The following CEACAM21 variants were observed in gnomAD, a reference collection of about 807,000 sequenced individuals.
CEACAM21 encodes the protein cell adhesion molecule CEACAM21.
Under a neutral mutation model 33.2 loss-of-function variants are expected in CEACAM21, and 38 were observed. The observed-to-expected ratio is 1.14, with a 90% confidence interval of 0.88 to 1.50. The LOEUF (loss-of-function observed/expected upper bound fraction) is 1.50. Among genes scored for constraint, CEACAM21 ranks in the 40% most tolerant of loss-of-function variants. The pLI is 0.00. For synonymous variants in CEACAM21, 156 were observed against 143.0 expected, an observed-to-expected ratio of 1.09 and a Z score of -0.65; for missense variants, 385 against 364.6, an observed-to-expected ratio of 1.06 and a Z score of -0.46.
intron 1 of CEACAM21, among the ~76,000 whole-genome samples, chr19:41,556,486 G>A (rs552093476): frequency 2.0e-5 from 3 of 152,182 alleles, no homozygotes; most frequent in Non-Finnish European, 4.4e-5. Flanking sequence ...TCATGAAGCC[G>A]ACTTCTGACC....
At chr19:41,574,751 A>G (rs555722645), upstream of CEACAM21, among the ~76,000 whole-genome samples, 1 of 152,342 alleles carries the variant, frequency 6.6e-6, no homozygotes, top group African/African-American at 2.4e-5. Context: ...GGAATATAAA[A>G]TAGCACAGCA....
chr19:41,579,021 G>T (rs1555792289), intron 2 of CEACAM21, among the ~76,000 whole-genome samples: 1 of 152,154 alleles, frequency 6.6e-6, no homozygotes, highest in Non-Finnish European at 1.5e-5. Flanking sequence ...TCCCTTAGGG[G>T]CTGAGACCCA....
chr19:41,568,065 CT>C (rs1456080962), intron 2 of CEACAM21, among the ~76,000 whole-genome samples: 1 of 151,916 alleles, frequency 6.6e-6, no homozygotes, highest in Non-Finnish European at 1.5e-5. Flanking sequence ...AACAAGTGGC[CT>C]TTGAGGATGG....
chr19:41,584,333 CCTT>C lies in CEACAM21; in HGVS notation c.701-7_701-5del, dbSNP rs1555794357. 2.5e-6 allele frequency: 4 copies of C among 1,604,928 alleles called. No individual in the cohort carries two copies. Among genetic ancestry groups the C allele is most frequent in the Middle Eastern group, 1.7e-4 (1 of 6,044 alleles). The stretch of plus-strand genomic sequence containing the variant: ...ACAGATTTGGACCTCATCCCCTTTG[CCTT>C]CTTCTTTCAGCAGATGACAACACTC... On this transcript the variant is annotated splice_polypyrimidine_tract_variant and intron_variant, in intron 3 of 6. Coordinates refer to ENST00000401445, the MANE Select transcript of CEACAM21 (RefSeq NM_001098506.4).
intron 2 of CEACAM21, among the ~76,000 whole-genome samples, chr19:41,567,474 G>A (rs924806922): frequency 6.6e-6 from 1 of 152,224 alleles, no homozygotes; most frequent in South Asian, 2.1e-4. Context: ...TAGAAAATCC[G>A]GGATGAGAGT....
chr19:41,558,252 T>C (rs1201688567), intron 1 of CEACAM21, among the ~76,000 whole-genome samples: 1 of 152,180 alleles, frequency 6.6e-6, no homozygotes, highest in Non-Finnish European at 1.5e-5. Flanking sequence ...AACACATAGA[T>C]GAAATTAAAT....
chr19:41,553,445 A>G (rs2041346908), intron 1 of CEACAM21, among the ~76,000 whole-genome samples: 1 of 152,016 alleles, frequency 6.6e-6, no homozygotes, highest in Admixed American at 6.6e-5. Context: ...CGACAGGACC[A>G]ATTTGCTTTA....
In CEACAM21 at chr19:41,579,477, T is replaced by G; in HGVS notation, c.549T>G (p.Arg183=). The change falls in exon 3 of 7, where the codon CGT becomes CGG. Residue 183 remains arginine, a synonymous_variant. Transcript: ENST00000401445. ...TCCAGTGGATTTTCAACAACCAGCG[T>G]CTGCAGGTCACGAAGAGGATGAAGC... The part of the protein sequence containing the change: ...TSFQWIFNNQ[R]LQVTKRMKLS... 6.2e-7 allele frequency: 1 copy of G among 1,613,850 alleles called. No individual in the cohort carries two copies. Among genetic ancestry groups the G allele is most frequent in the Non-Finnish European group, 8.5e-7 (1 of 1,179,832 alleles).
intron 6 of CEACAM21, chr19:41,586,107 G>T (rs1480822237): frequency 1.6e-6 from 1 of 608,426 alleles, no homozygotes; most frequent in Non-Finnish European, 2.9e-6. Flanking sequence ...TTCCTACACA[G>T]CAGGAATCCT....
intron 1 of CEACAM21, chr19:41,552,389 G>A (rs540635658): frequency 6.6e-6 from 1 of 152,272 alleles, no homozygotes; most frequent in East Asian, 1.9e-4. Context: ...GTCTGGTTAA[G>A]AATTCCTTCT....
chr19:41,560,254 G>A (rs566511014), intron 1 of CEACAM21, among the ~76,000 whole-genome samples: 8 of 151,674 alleles, frequency 5.3e-5, no homozygotes, highest in East Asian at 1.9e-4. Flanking sequence ...ACAGGGTCTC[G>A]CTCTGTCATC....
intron 3 of CEACAM21, among the ~76,000 whole-genome samples, chr19:41,579,937 CT>C (rs1484073883): frequency 3.9e-5 from 6 of 152,312 alleles, no homozygotes; most frequent in African/African-American, 1.4e-4. Flanking sequence ...GATTAAAGCC[CT>C]TAACAAGGTC....
chr19:41,550,573 C>G (rs1228756121), intron 1 of CEACAM21: 1 of 152,168 alleles, frequency 6.6e-6, no homozygotes, highest in Non-Finnish European at 1.5e-5. Context: ...GAGCTCAAAT[C>G]CAGCTCGACC....
At chr19:41,570,839 G>A (rs576542351) in intron 2 of CEACAM21, among the ~76,000 whole-genome samples, 2 of 152,306 alleles carry the variant, frequency 1.3e-5, no homozygotes, top group South Asian at 4.1e-4. Context: ...GGAGCAAGGA[G>A]ACCAGGAGAG....
intron 5 of CEACAM21, 108 bp downstream of exon 5, chr19:41,585,603 C>A: frequency 1.6e-6 from 2 of 1,268,406 alleles, no homozygotes; most frequent in Non-Finnish European, 1.1e-6. Context: ...CCTGGGGCTG[C>A]AAAGAGGATC....
At chr19:41,553,498 A>G (rs1555784894) in intron 1 of CEACAM21, among the ~76,000 whole-genome samples, 1 of 152,090 alleles carries the variant, frequency 6.6e-6, no homozygotes, top group African/African-American at 2.4e-5. Context: ...AGCAAGAATA[A>G]TTATTTTTCA....
chr19:41,577,163 A>T, intron 1 of CEACAM21, 37 bp from the exon 2 acceptor site: 2 of 1,612,456 alleles, frequency 1.2e-6, no homozygotes, highest in South Asian at 2.2e-5. Flanking sequence ...GCCAATGCAT[A>T]GGTCAAATAT....
intron 2 of CEACAM21, among the ~76,000 whole-genome samples, chr19:41,566,910 C>T (rs551120404): frequency 7.2e-5 from 11 of 152,152 alleles, no homozygotes; most frequent in African/African-American, 2.2e-4. Flanking sequence ...GATAGTTGTC[C>T]GTTTCATCTA....
chr19:41,570,088 C>A (rs1173041979), intron 2 of CEACAM21, among the ~76,000 whole-genome samples: 1 of 152,158 alleles, frequency 6.6e-6, no homozygotes, highest in Non-Finnish European at 1.5e-5. Flanking sequence ...GGTGCCACAG[C>A]GACAGCGCTG....
Sources: allele counts gnomAD v4.1 joint callset (sites outside exome capture counted in the v4.1 genomes callset), GRCh38; gene constraint gnomAD v4.1.1; transcripts MANE v1.5; gene names NCBI Gene and HGNC (gene_info 2026-07-23, HGNC 2026-07-21).